TRPM3: variants seen among roughly 807,000 people sequenced by gnomAD.
TRPM3 encodes long transient receptor potential channel 3.
A neutral mutation model predicts 181.2 loss-of-function variants in TRPM3; 77 were observed. The observed-to-expected ratio is 0.42, with a 90% CI of 0.35 to 0.51. TRPM3 has a LOEUF of 0.51. Among genes scored for constraint, TRPM3 ranks in the 20% least tolerant of loss-of-function variants. TRPM3 has a pLI of 0.01. For synonymous variants in TRPM3, 745 were observed against 796.4 expected (o/e 0.94, Z 1.09); for missense variants, 1,759 against 2,196.7 (o/e 0.80, Z 3.98).
chr9:71,100,460 C>T (rs982153134), intron 1 of TRPM3, among the ~76,000 whole-genome samples: 6 of 152,120 alleles, frequency 3.9e-5, no homozygotes, highest in Middle Eastern at 3.2e-3. Context: ...CACAACAGTT[C>T]CTTCAGTCTA....
At chr9:71,367,778 G>A (rs1588690465) in intron 1 of TRPM3, among the ~76,000 whole-genome samples, 1 of 152,162 alleles carries the variant, frequency 6.6e-6, no homozygotes, top group Non-Finnish European at 1.5e-5. Flanking sequence ...GTTACTGGAA[G>A]AATTTCCATG....
intron 22 of TRPM3, among the ~76,000 whole-genome samples, chr9:70,580,293 A>G (rs2055291762): frequency 6.6e-6 from 1 of 152,198 alleles, no homozygotes. Context: ...GCGACCTGCG[A>G]ATTTCCAACA....
intron 1 of TRPM3, among the ~76,000 whole-genome samples, chr9:71,248,177 C>A (rs972444115): frequency 6.6e-6 from 1 of 152,234 alleles, no homozygotes; most frequent in Non-Finnish European, 1.5e-5. Flanking sequence ...ACCCTTCTTA[C>A]ATGTTTTCCT....
chr9:70,914,484 A>G (rs755509103), intron 1 of TRPM3, among the ~76,000 whole-genome samples: 3 of 152,250 alleles, frequency 2.0e-5, no homozygotes, highest in Admixed American at 1.3e-4. Flanking sequence ...ATGATGTGCC[A>G]AAAGAAAATC....
intron 1 of TRPM3, among the ~76,000 whole-genome samples, chr9:71,296,670 A>G (rs1394382759): frequency 2.0e-5 from 3 of 152,130 alleles, no homozygotes; most frequent in Non-Finnish European, 2.9e-5. Flanking sequence ...TATCTGATAT[A>G]TTTTTAAACT....
At chr9:71,349,968 C>CATATATATATATATATATAT (rs758622802) in intron 1 of TRPM3, among the ~76,000 whole-genome samples, 2 of 67,912 alleles carry the variant, frequency 2.9e-5, no homozygotes, top group African/African-American at 1.0e-4. Flanking sequence ...ATTGTAAGTG[C>CATATATATATATATATATAT]ATATATATAT....
intron 1 of TRPM3, among the ~76,000 whole-genome samples, chr9:71,060,406 G>A (rs1384662245): frequency 6.6e-6 from 1 of 152,106 alleles, no homozygotes; most frequent in Non-Finnish European, 1.5e-5. Context: ...TTGGACAGAT[G>A]ATGCTGTAAG....
chr9:70,630,663 C>T (rs564584926), intron 12 of TRPM3, among the ~76,000 whole-genome samples: 23 of 152,336 alleles, frequency 1.5e-4, no homozygotes, highest in African/African-American at 5.3e-4. Flanking sequence ...TCCCCCTCCC[C>T]CTTCGGTAAT....
chr9:71,030,424 G>T (rs2057138710), intron 1 of TRPM3, among the ~76,000 whole-genome samples: 2 of 152,024 alleles, frequency 1.3e-5, no homozygotes, highest in Admixed American at 1.3e-4. Flanking sequence ...AATTAGCTAA[G>T]CATGGTGGCT....
intron 6 of TRPM3, among the ~76,000 whole-genome samples, chr9:70,819,042 T>C (rs2092938737): frequency 6.6e-6 from 1 of 152,226 alleles, no homozygotes; most frequent in African/African-American, 2.4e-5. Context: ...TAGAAGGGTA[T>C]GGTCTTGACA....
intron 1 of TRPM3, among the ~76,000 whole-genome samples, chr9:70,986,043 G>A (rs2097418081): frequency 6.6e-6 from 1 of 152,228 alleles, no homozygotes; most frequent in South Asian, 2.1e-4. Context: ...ACAATTCTGT[G>A]GTTGCTGTTG....
intron 6 of TRPM3, chr9:70,811,036 G>T: frequency 1.4e-6 from 1 of 703,078 alleles, no homozygotes; most frequent in Admixed American, 2.9e-5. Context: ...GTGGTTGAAT[G>T]TCAGAAGAGA....
At chr9:71,309,783 A>G (rs943289466) in intron 1 of TRPM3, among the ~76,000 whole-genome samples, 72 of 152,264 alleles carry the variant, frequency 4.7e-4, no homozygotes, top group African/African-American at 1.7e-3. Flanking sequence ...ATTCATTTCA[A>G]CTAAAATGCC....
At position 70,607,745 on chromosome 9, in the gene TRPM3, C is replaced by T. The variant is rs59152055; in HGVS notation, c.2667+2864G>A. 2.2e-3 allele frequency among the ~76,000 whole-genome samples: 338 copies of T among 152,170 alleles called. 1 individual carries two copies. Among genetic ancestry groups the T allele is most frequent in the African/African-American group, 6.9e-3 (285 of 41,522 alleles). On this transcript the variant is annotated intron_variant, in intron 19 of 25. Coordinates refer to ENST00000677713, the MANE Select transcript of TRPM3 (RefSeq NM_001366145.2). ...AACAAAACTCCCTTGTCATCATGGA[C>T]GTTTTAGAGATATTGATACTATTAT...
chr9:70,652,977 G>T (rs953107546), intron 9 of TRPM3, among the ~76,000 whole-genome samples: 1 of 152,286 alleles, frequency 6.6e-6, no homozygotes, highest in South Asian at 2.1e-4. Context: ...TGCAGGGCTT[G>T]GTGGAGAGTA....
chr9:70,784,110 T>G lies in TRPM3; in HGVS notation c.1143A>C (p.Glu381Asp). The G allele has an allele frequency of 1.9e-6, 3 of 1,612,966 alleles. No individual in the cohort carries two copies. Among genetic ancestry groups the G allele is most frequent in the Non-Finnish European group, 2.5e-6 (3 of 1,179,358 alleles). The change falls in exon 7 of 26, where the codon GAA becomes GAC. Residue 381 changes from glutamate (E) to aspartate (D), a missense_variant. By Grantham distance (45) the Glu-to-Asp change is conservative (BLOSUM62 2). Transcript: ENST00000677713. Reference sequence around the variant, plus strand: ...GGGCCTGGAAAGTTACCTACCCGCCTTCTTCTGAGTATTTATGCCCAAAGG... The same window carrying G: ...GGGCCTGGAAAGTTACCTACCCGCCGTCTTCTGAGTATTTATGCCCAAAGG... Reference protein sequence around the residue: ...ILAFGHKYSEEGGLINESLRD... With the variant: ...ILAFGHKYSEDGGLINESLRD...
At chr9:70,953,505 C>T (rs2097028420) in intron 1 of TRPM3, among the ~76,000 whole-genome samples, 2 of 152,070 alleles carry the variant, frequency 1.3e-5, no homozygotes, top group South Asian at 4.1e-4. Flanking sequence ...AGCACACACT[C>T]TTTTTGGAAA....
In TRPM3 at chr9:70,634,765, C is replaced by T. The variant is rs187888244; in HGVS notation, c.1632+446G>A. On this transcript the variant is annotated intron_variant, in intron 12 of 25. Transcript: ENST00000677713. ...ATGGAATGCATATTTATGTTTTAGT[C>T]CCTGTTTTTAGAAAATTTGGAGCTA... is the stretch of plus-strand genomic sequence containing the variant. 1.7e-3 allele frequency among the ~76,000 whole-genome samples: 257 copies of T among 152,150 alleles called. 2 individuals are homozygous for T. Among genetic ancestry groups the T allele is most frequent in the Non-Finnish European group, 3.1e-3 (213 of 68,008 alleles).
chr9:71,010,938 C>T (rs778420796), intron 1 of TRPM3, among the ~76,000 whole-genome samples: 3,220 of 101,376 alleles, frequency 0.032, 40 homozygotes, highest in Non-Finnish European at 0.047. Flanking sequence ...CACATACACA[C>T]ACACACACAC....
Sources: gnomAD v4.1 joint callset for allele counts (sites outside exome capture counted in the v4.1 genomes callset) on GRCh38, gnomAD v4.1.1 for gene constraint, MANE v1.5 for transcripts, NCBI Gene and HGNC (gene_info 2026-07-23, HGNC 2026-07-21) for gene names.